The following DYNC2H1 variants were observed in gnomAD, a reference collection of about 807,000 sequenced individuals.
The protein encoded by DYNC2H1 is cytoplasmic dynein 2 heavy chain 1.
DYNC2H1 carries 410 observed loss-of-function variants against 570.0 expected under a neutral mutation model. The ratio of observed to expected loss-of-function variants is 0.72; its 90% confidence interval spans 0.66 to 0.78. The LOEUF is 0.78. DYNC2H1 is among the 30% of genes least tolerant of loss of function. DYNC2H1 has a pLI of 0.00. For missense variants in DYNC2H1, 4,865 were observed against 5,046.4 expected, an observed-to-expected ratio of 0.96 and a Z score of 1.09; for synonymous variants, 1,688 against 1,677.6, an observed-to-expected ratio of 1.01 and a Z score of -0.15.
chr11:103,358,342 T>G lies in DYNC2H1; in HGVS notation c.12139T>G (p.Trp4047Gly). ...TGAACTTTCTCCTGTCCTCAATCTCTGGAAGAAACTAAACCAGGTTAGTAG... is the reference window on the plus strand; with the variant it reads ...TGAACTTTCTCCTGTCCTCAATCTCGGGAAGAAACTAAACCAGGTTAGTAG... ...SNELSPVLNLWKKLNQNSNLI... is the reference protein window; with the variant it reads ...SNELSPVLNLGKKLNQNSNLI... Residue 4047 changes from tryptophan to glycine, a missense_variant, in exon 83 of 89, where the codon TGG (tryptophan) becomes GGG (glycine). Transcript: ENST00000375735. 1 of 1,573,542 alleles carries G rather than the reference T, an allele frequency of 6.4e-7. No individual in the cohort carries two copies. The highest frequency in any genetic ancestry group is 8.6e-7 in the Non-Finnish European group (1 of 1,156,236).
chr11:103,286,769 T>G (rs1460369390), intron 74 of DYNC2H1, among the ~76,000 whole-genome samples: 2 of 152,154 alleles, frequency 1.3e-5, no homozygotes, highest in African/African-American at 4.8e-5. Context: ...AATAGAATGT[T>G]GAAACCTACT....
At chr11:103,148,736 C>A (rs1311186862) in intron 20 of DYNC2H1, 119 bp downstream of exon 20, 10 of 1,271,826 alleles carry the variant, frequency 7.9e-6, no homozygotes, top group East Asian at 5.4e-5. Context: ...AGGAGGTCCA[C>A]AATAGTCTGG....
chr11:103,287,457 T>C, intron 74 of DYNC2H1, 76 bp from the exon 75 acceptor site: 1 of 1,141,242 alleles, frequency 8.8e-7, no homozygotes. Context: ...GTTTAATTAG[T>C]TAACATTAAT....
Position 103,114,150 on chromosome 11 carries a change from G to C in DYNC2H1, c.414G>C (p.Leu138Phe). ...TTGATCCCAAACTTCAGAATCTTTT[G>C]AGTGAACTAGAAGCTGGGTTGGGTA... The part of the protein sequence containing the change: ...RNFDPKLQNL[L>F]SELEAGLGIV... The change falls in exon 3 of 89, where the codon TTG (leucine) becomes TTC (phenylalanine). Residue 138 changes from leucine to phenylalanine, a missense_variant. Coordinates refer to ENST00000375735, the MANE Select transcript of DYNC2H1 (RefSeq NM_001377.3). 6.2e-7 allele frequency: 1 copy of C among 1,609,062 alleles called. No homozygotes were observed. Among genetic ancestry groups the C allele is most frequent in the Non-Finnish European group, 8.5e-7 (1 of 1,177,444 alleles).
chr11:103,450,305 T>C (rs1944554959), intron 85 of DYNC2H1, among the ~76,000 whole-genome samples: 1 of 152,180 alleles, frequency 6.6e-6, no homozygotes, highest in Non-Finnish European at 1.5e-5. Context: ...GATAAATAGA[T>C]AGCAGATCAG....
At chr11:103,413,194 T>C (rs1943151902) in intron 84 of DYNC2H1, among the ~76,000 whole-genome samples, 1 of 152,244 alleles carries the variant, frequency 6.6e-6, no homozygotes, top group African/African-American at 2.4e-5. Flanking sequence ...CATTTATGAC[T>C]ACATCCACCA....
At chr11:103,396,344 C>A (rs1259728260) in intron 83 of DYNC2H1, among the ~76,000 whole-genome samples, 1 of 152,176 alleles carries the variant, frequency 6.6e-6, no homozygotes, top group South Asian at 2.1e-4. Context: ...TCTATTAAAA[C>A]CCAGTCATAC....
At chr11:103,397,396 T>C (rs1445112030) in intron 83 of DYNC2H1, among the ~76,000 whole-genome samples, 1 of 152,236 alleles carries the variant, frequency 6.6e-6, no homozygotes, top group East Asian at 1.9e-4. Context: ...ATAGTCGTTG[T>C]AACATACTCA....
intron 75 of DYNC2H1, among the ~76,000 whole-genome samples, chr11:103,290,244 C>T (rs899764872): frequency 1.3e-5 from 2 of 152,102 alleles, no homozygotes; most frequent in African/African-American, 4.8e-5. Flanking sequence ...AAGCTTTTCA[C>T]ATAATGCCTA....
intron 59 of DYNC2H1, among the ~76,000 whole-genome samples, chr11:103,230,169 A>T (rs1335113864): frequency 6.6e-6 from 1 of 152,162 alleles, no homozygotes; most frequent in Non-Finnish European, 1.5e-5. Context: ...GTCTAATGCT[A>T]CTTTGATTCC....
intron 88 of DYNC2H1, among the ~76,000 whole-genome samples, chr11:103,469,280 C>T (rs1591804011): frequency 6.6e-6 from 1 of 152,114 alleles, no homozygotes; most frequent in South Asian, 2.1e-4. Context: ...CTTTCAAAAC[C>T]ATTATTGAAA....
intron 34 of DYNC2H1, among the ~76,000 whole-genome samples, chr11:103,172,368 A>T (rs1787971565): frequency 6.6e-6 from 1 of 151,992 alleles, no homozygotes; most frequent in African/African-American, 2.4e-5. Context: ...CTCCTCTACC[A>T]ATTCCTCATT....
chr11:103,437,340 A>C, intron 85 of DYNC2H1, among the ~76,000 whole-genome samples: 1 of 152,100 alleles, frequency 6.6e-6, no homozygotes, highest in Middle Eastern at 3.2e-3. Context: ...CTCTCTTTAG[A>C]GACCTCCTCC....
chr11:103,296,136 T>C (rs1421837308), intron 75 of DYNC2H1, among the ~76,000 whole-genome samples: 2 of 152,178 alleles, frequency 1.3e-5, no homozygotes, highest in East Asian at 3.9e-4. Context: ...CAATGCCTCT[T>C]TACTTGTGAG....
chr11:103,161,065 T>C (rs528788000), intron 29 of DYNC2H1, 21 bp downstream of exon 29: 2 of 1,286,152 alleles, frequency 1.6e-6, no homozygotes, highest in South Asian at 3.2e-5. Flanking sequence ...CTTTTTCAAA[T>C]ATGAAAACAA....
At chr11:103,398,990 T>C (rs1200217264) in intron 83 of DYNC2H1, among the ~76,000 whole-genome samples, 1 of 152,170 alleles carries the variant, frequency 6.6e-6, no homozygotes, top group African/African-American at 2.4e-5. Context: ...TCTCTTCTGC[T>C]CTCTTTGTAG....
rs1435413992 is a variant in DYNC2H1 at position 103,392,884 on chromosome 11, CTA to C, written c.12157-6777_12157-6776del. 3.4e-4 allele frequency among the ~76,000 whole-genome samples: 30 copies of C among 88,972 alleles called. No homozygotes were observed. In the Admixed American group the frequency reaches 4.0e-3, roughly 12 times the overall value. 58.4% of individuals were successfully genotyped at this position (88,972 alleles called of 152,430 possible). A position where few individuals can be genotyped will look rare whatever the true frequency, so the allele number is the denominator to read the frequency against. ...CTCTCACACTCTTATATTCCTGAAA[CTA>C]TTTTTTTTTTTTTTGAAATGGAGTT... On this transcript the variant is annotated intron_variant, in intron 83 of 88. Transcript: ENST00000375735.
intron 17 of DYNC2H1, among the ~76,000 whole-genome samples, chr11:103,142,685 G>T (rs941921156): frequency 1.3e-5 from 2 of 151,926 alleles, no homozygotes; most frequent in Non-Finnish European, 2.9e-5. Flanking sequence ...AAAAGAAAAT[G>T]TGTCAGTTTA....
In DYNC2H1 at chr11:103,241,414, G is replaced by C; in HGVS notation, c.9820-2279G>C. 4 of 880,956 alleles carry C rather than the reference G, an allele frequency of 4.5e-6. No homozygotes were observed. The South Asian group carries it at 4.6e-5, about 10-fold the overall frequency. The allele number at this position is 880,956 out of a possible 1,614,324, so 54.6% of individuals were successfully genotyped here. A position where few individuals can be genotyped will look rare whatever the true frequency, so the allele number is the denominator to read the frequency against. On this transcript the variant is annotated intron_variant, in intron 63 of 88. Transcript: ENST00000375735. This position sits in a 1 kb window ranked among gnomAD's most constrained non-coding sequence, Gnocchi z 5.1. Reference sequence around the variant, plus strand: ...ATCTTATCTAAATCTGTCTGGAGACGTAAAATAAGATGACAACAAACTTTT... The same window carrying C: ...ATCTTATCTAAATCTGTCTGGAGACCTAAAATAAGATGACAACAAACTTTT...
Sources: allele counts gnomAD v4.1 joint callset (sites outside exome capture counted in the v4.1 genomes callset), GRCh38; gene constraint gnomAD v4.1.1; non-coding constraint Gnocchi (gnomAD v3.1); transcripts MANE v1.5; gene names NCBI Gene and HGNC (gene_info 2026-07-23, HGNC 2026-07-21).